The following AP2B1 variants were observed in gnomAD, a reference collection of about 807,000 sequenced individuals.
The protein encoded by AP2B1 is AP-2 complex subunit beta.
A neutral mutation model predicts 102.0 loss-of-function variants in AP2B1; 23 were observed. That is an observed-to-expected ratio of 0.23 (90% CI 0.16 to 0.32). AP2B1 has a LOEUF of 0.32. AP2B1 is among the 10% of genes least tolerant of loss of function. The pLI is 1.00. For synonymous variants in AP2B1, 381 were observed against 421.2 expected, an observed-to-expected ratio of 0.90 and a Z score of 1.17; for missense variants, 541 against 1,157.4, an observed-to-expected ratio of 0.47 and a Z score of 7.73.
At chr17:35,649,151 A>G (rs1306117977) in intron 12 of AP2B1, among the ~76,000 whole-genome samples, 1 of 152,222 alleles carries the variant, frequency 6.6e-6, no homozygotes, top group Middle Eastern at 3.2e-3. Flanking sequence ...GGGCTTAGCC[A>G]GTGTCTCAAT....
intron 5 of AP2B1, among the ~76,000 whole-genome samples, chr17:35,619,930 A>G (rs1743026284): frequency 6.6e-6 from 1 of 151,952 alleles, no homozygotes; most frequent in African/African-American, 2.4e-5. Flanking sequence ...GATTACAGGT[A>G]TGCACCACCA....
intron 5 of AP2B1, chr17:35,621,328 C>A: frequency 4.1e-6 from 4 of 985,374 alleles, no homozygotes; most frequent in Non-Finnish European, 4.8e-6. Flanking sequence ...GAGAGAAACT[C>A]GGCTTACGGA....
intron 14 of AP2B1, among the ~76,000 whole-genome samples, chr17:35,668,658 T>A (rs2075522209): frequency 6.6e-6 from 1 of 152,234 alleles, no homozygotes; most frequent in South Asian, 2.1e-4. Flanking sequence ...AGTATTTTTT[T>A]AAAACACATA....
chr17:35,588,196 T>A (rs2072963043), intron 1 of AP2B1, among the ~76,000 whole-genome samples: 1 of 134,796 alleles, frequency 7.4e-6, no homozygotes, highest in Admixed American at 7.9e-5. Flanking sequence ...AATCATTTGT[T>A]CATGCTGCTT....
chr17:35,680,688 TTTTTTTTTTTTG>T (rs2075800328), intron 17 of AP2B1, among the ~76,000 whole-genome samples: 1 of 54,258 alleles, frequency 1.8e-5, no homozygotes, highest in African/African-American at 9.3e-5. Context: ...TGGTTTTGGT[TTTTTTTTTTTTG>T]TTTTTTTTTT....
intron 17 of AP2B1, among the ~76,000 whole-genome samples, chr17:35,675,391 A>G (rs1417424740): frequency 6.6e-6 from 1 of 152,206 alleles, no homozygotes; most frequent in East Asian, 1.9e-4. Context: ...ATTTGGAAAC[A>G]CTTTTGTACT....
intron 3 of AP2B1, among the ~76,000 whole-genome samples, chr17:35,598,640 G>A (rs1427882409): frequency 1.3e-5 from 2 of 152,152 alleles, no homozygotes; most frequent in East Asian, 1.9e-4. Context: ...TGCTGAGGTC[G>A]TTTTAGAAGA....
chr17:35,605,863 T>A, intron 4 of AP2B1, 23 bp downstream of exon 4: 1 of 1,601,466 alleles, frequency 6.2e-7, no homozygotes, highest in Non-Finnish European at 8.5e-7. Flanking sequence ...AAGGCCTCAA[T>A]AACAGAGTTT....
chr17:35,650,623 G>A lies in AP2B1; in HGVS notation c.1630G>A (p.Glu544Lys). The A allele has an allele frequency of 6.2e-7, 1 of 1,614,182 alleles. No individual in the cohort carries two copies. Among genetic ancestry groups the A allele is most frequent in the Non-Finnish European group, 8.5e-7 (1 of 1,180,042 alleles). Residue 544 changes from glutamate to lysine, a missense_variant, in exon 13 of 22, where the codon GAG becomes AAG. By Grantham distance (56) the Glu-to-Lys change is moderately conservative (BLOSUM62 1). Coordinates refer to ENST00000610402, the MANE Select transcript of AP2B1 (RefSeq NM_001030006.2). ...TACAGCTAAAGAAGTAGTCTTGTCT[G>A]AGAAGCCACTGATCTCTGAGGAGAC... ...PVTAKEVVLSEKPLISEETDL... is the reference protein window; with the variant it reads ...PVTAKEVVLSKKPLISEETDL...
intron 20 of AP2B1, among the ~76,000 whole-genome samples, chr17:35,712,824 T>TA (rs2076478726): frequency 6.6e-6 from 1 of 152,200 alleles, no homozygotes; most frequent in Non-Finnish European, 1.5e-5. Context: ...CCTTGGAATT[T>TA]AAAATCACAA....
At chr17:35,623,222 A>T (rs2074231030) in intron 5 of AP2B1, among the ~76,000 whole-genome samples, 3 of 151,972 alleles carry the variant, frequency 2.0e-5, no homozygotes, top group Non-Finnish European at 4.4e-5. Flanking sequence ...AGCTAAATGG[A>T]TTCCCAGATC....
chr17:35,627,558 C>T, intron 8 of AP2B1, 53 bp downstream of exon 8: 2 of 1,612,900 alleles, frequency 1.2e-6, no homozygotes, highest in Non-Finnish European at 1.7e-6. Context: ...TAAGGTCTGG[C>T]CTTTAAAGAA....
At chr17:35,719,842 T>C (rs1555591869) in intron 21 of AP2B1, among the ~76,000 whole-genome samples, 9 of 151,892 alleles carry the variant, frequency 5.9e-5, no homozygotes. Context: ...TTAAAACATA[T>C]TTTTTTTAAA....
intron 12 of AP2B1, 60 bp from the exon 13 acceptor site, chr17:35,650,470 T>C: frequency 6.4e-7 from 1 of 1,570,104 alleles, no homozygotes; most frequent in Non-Finnish European, 8.7e-7. Context: ...ATCCAGCAGT[T>C]TGGGTTTCTG....
chr17:35,691,711 C>T (rs990105927), intron 18 of AP2B1, among the ~76,000 whole-genome samples: 4 of 152,158 alleles, frequency 2.6e-5, no homozygotes, highest in African/African-American at 9.7e-5. Context: ...CAAATGATCC[C>T]TGTAGACCTA....
chr17:35,697,213 C>A (rs587605800), intron 18 of AP2B1, among the ~76,000 whole-genome samples: 1 of 152,284 alleles, frequency 6.6e-6, no homozygotes, highest in East Asian at 1.9e-4. Flanking sequence ...GTAGGCAGAG[C>A]AAATATTAGA....
chr17:35,668,465 C>G (rs1173106799), intron 14 of AP2B1, among the ~76,000 whole-genome samples: 2 of 152,130 alleles, frequency 1.3e-5, no homozygotes, highest in African/African-American at 4.8e-5. Context: ...AAGCGCTACT[C>G]TCTGCAACCC....
chr17:35,674,418 A>G (rs1224891200), intron 17 of AP2B1, 97 bp downstream of exon 17: 1 of 1,438,418 alleles, frequency 7.0e-7, no homozygotes, highest in Non-Finnish European at 9.6e-7. Context: ...AAACTCACAT[A>G]TTGGGCCAGG....
chr17:35,691,302 C>G (rs1453522395), intron 18 of AP2B1, among the ~76,000 whole-genome samples: 2 of 152,086 alleles, frequency 1.3e-5, no homozygotes, highest in Non-Finnish European at 2.9e-5. Context: ...ACATGTAGTT[C>G]CAGCCTGTGA....
Sources: gnomAD v4.1 joint callset for allele counts (sites outside exome capture counted in the v4.1 genomes callset) on GRCh38, gnomAD v4.1.1 for gene constraint, MANE v1.5 for transcripts, NCBI Gene and HGNC (gene_info 2026-07-23, HGNC 2026-07-21) for gene names.